Variants in PBX4 observed in about 807,000 individuals in gnomAD.
PBX4 encodes pre-B-cell leukemia transcription factor 4.
PBX4 carries 26 observed loss-of-function variants against 35.1 expected under a neutral mutation model. The ratio of observed to expected loss-of-function variants is 0.74; its 90% CI spans 0.54 to 1.03. The LOEUF (loss-of-function observed/expected upper bound fraction) is 1.03, where lower values mean the gene tolerates loss of function less well. Ranked by LOEUF, PBX4 falls within the 50% of genes least tolerant of loss-of-function variation. The pLI, the probability that PBX4 is intolerant of heterozygous loss-of-function variation, is 0.00. For synonymous variants in PBX4, 199 were observed against 204.2 expected (o/e 0.97, Z 0.22); for missense variants, 448 against 504.3 (o/e 0.89, Z 1.07).
At chr19:19,577,860 A>C (rs968442856) in intron 2 of PBX4, among the ~76,000 whole-genome samples, 2 of 150,714 alleles carry the variant, frequency 1.3e-5, no homozygotes, top group Non-Finnish European at 3.0e-5. Context: ...TCCATCTAAA[A>C]AAATAATAAT....
At chr19:19,601,351 A>T (rs1420385541) in intron 1 of PBX4, among the ~76,000 whole-genome samples, 12 of 152,152 alleles carry the variant, frequency 7.9e-5, no homozygotes, top group Admixed American at 7.9e-4. Context: ...GTTAGGGGTG[A>T]GGGAGAGAGC....
chr19:19,570,934 T>A, intron 2 of PBX4, 101 bp from the exon 3 acceptor site: 4 of 1,477,792 alleles, frequency 2.7e-6, no homozygotes, highest in Non-Finnish European at 3.7e-6. Context: ...GATTTTTGCA[T>A]AGAACCCTTC....
At chr19:19,571,089 G>A (rs1455980088) in intron 2 of PBX4, among the ~76,000 whole-genome samples, 2 of 152,244 alleles carry the variant, frequency 1.3e-5, no homozygotes, top group Admixed American at 1.3e-4. Context: ...TAGCCTGTGA[G>A]GGCAAACCTT....
At chr19:19,568,509 GCTCACACTCCATCTGTATCCCTCAGGGAA>G (rs1207607623) in intron 5 of PBX4, among the ~76,000 whole-genome samples, 1 of 138,740 alleles carries the variant, frequency 7.2e-6, no homozygotes, top group African/African-American at 2.8e-5. Flanking sequence ...CCCTCAAGGA[GCTCACACTCCATCTGTATCCCTCAGGGAA>G]CTCACACTCC....
Position 19,570,309 on chromosome 19 carries a change from G to A in PBX4, c.442-10C>T, listed in dbSNP as rs2061373698. On this transcript the variant is annotated splice_polypyrimidine_tract_variant and intron_variant, in intron 3 of 7. Transcript: ENST00000251203. ...TGAACTCACGACAGGCCTGGGGTGG[G>A]AGCACAGACACGCCGGCCTGTGACT... 4 of 1,590,444 alleles carry A rather than the reference G, an allele frequency of 2.5e-6. No individual in the cohort carries two copies. In the East Asian group the frequency reaches 6.7e-5, roughly 27 times the overall value.
At position 19,563,733 on chromosome 19, in the gene PBX4, G is replaced by T; in HGVS notation, c.926-118C>A. ...GGCTCCTGCCCCTCCTCAGCATCCG[G>T]CCTCTGCTCCTCAGCCCCCACCCAG... On this transcript the variant is annotated intron_variant, in intron 6 of 7. Transcript: ENST00000251203. The surrounding 1 kb of genome is among the most constrained non-coding windows in gnomAD (Gnocchi z 5.1). The T allele has an allele frequency of 1.2e-6, 1 of 849,058 alleles. No homozygotes were observed. Among genetic ancestry groups the T allele is most frequent in the Non-Finnish European group, 1.9e-6 (1 of 514,204 alleles). The allele number at this position is 849,058 out of a possible 1,614,324, so 52.6% of individuals were successfully genotyped here.
chr19:19,599,263 G>A (rs766687754), intron 2 of PBX4, 29 bp downstream of exon 2: 26 of 1,587,058 alleles, frequency 1.6e-5, no homozygotes, highest in South Asian at 1.3e-4. Context: ...CACCACGCTC[G>A]GCCAGAAAGT....
intron 2 of PBX4, chr19:19,588,227 G>T: frequency 2.2e-6 from 3 of 1,368,970 alleles, no homozygotes; most frequent in Non-Finnish European, 3.1e-6. Context: ...AGAGACCCCA[G>T]GGCCTCCACA....
intron 1 of PBX4, among the ~76,000 whole-genome samples, chr19:19,612,209 G>A (rs900628893): frequency 2.0e-5 from 3 of 152,118 alleles, no homozygotes; most frequent in Admixed American, 6.6e-5. Flanking sequence ...CCCATGAGAC[G>A]AGGGTTGCAG....
chr19:19,574,972 A>C (rs1374129175), intron 2 of PBX4, among the ~76,000 whole-genome samples: 1 of 152,074 alleles, frequency 6.6e-6, no homozygotes, highest in Non-Finnish European at 1.5e-5. Context: ...GGCGTGAGCC[A>C]CCACGCCCAG....
intron 5 of PBX4, among the ~76,000 whole-genome samples, chr19:19,568,797 G>A (rs1348107879): frequency 6.6e-6 from 1 of 152,004 alleles, no homozygotes; most frequent in Non-Finnish European, 1.5e-5. Context: ...ATCCCTCAGG[G>A]AGTTCACACT....
At chr19:19,586,819 T>C (rs1292533824) in intron 2 of PBX4, among the ~76,000 whole-genome samples, 1 of 151,528 alleles carries the variant, frequency 6.6e-6, no homozygotes, top group African/African-American at 2.4e-5. Flanking sequence ...TAGTCCCAGC[T>C]ACTCAGGAGG....
intron 2 of PBX4, among the ~76,000 whole-genome samples, chr19:19,577,534 A>C (rs1361132640): frequency 6.6e-6 from 1 of 152,130 alleles, no homozygotes; most frequent in African/African-American, 2.4e-5. Flanking sequence ...GGGTGCCATT[A>C]TGAGGCAATC....
intron 1 of PBX4, among the ~76,000 whole-genome samples, chr19:19,612,539 C>T: frequency 6.6e-6 from 1 of 152,072 alleles, no homozygotes; most frequent in East Asian, 1.9e-4. Flanking sequence ...GCTTCCCAGC[C>T]CAGGTTGGTA....
At chr19:19,564,247 G>GT (rs2061327156) in intron 6 of PBX4, among the ~76,000 whole-genome samples, 5 of 148,112 alleles carry the variant, frequency 3.4e-5, no homozygotes, top group Admixed American at 6.8e-5. Flanking sequence ...GCGGTGTTTG[G>GT]TTTTTTGTTC....
intron 1 of PBX4, among the ~76,000 whole-genome samples, chr19:19,607,926 G>T (rs532601704): frequency 6.6e-6 from 1 of 152,136 alleles, no homozygotes; most frequent in African/African-American, 2.4e-5. Flanking sequence ...AGGATAGATC[G>T]ATTATCCTTG....
At position 19,569,508 on chromosome 19, in the gene PBX4, A is replaced by G; in HGVS notation, c.709T>C (p.Tyr237His). The stretch of plus-strand genomic sequence containing the variant: ...TCTTCTTTGGCTTCTTCGCTGGGGT[A>G]AGGGTTGTTCAGATGGGAGTAAAAA... ...EYFYSHLNNP[Y>H]PSEEAKEELA... The change falls in exon 5 of 8, where the codon TAC (tyrosine) becomes CAC (histidine). Residue 237 changes from tyrosine to histidine, a missense_variant. Tyr to His is a moderately conservative substitution (Grantham distance 83). Transcript: ENST00000251203. 6.2e-7 allele frequency: 1 copy of G among 1,613,886 alleles called. No homozygotes were observed. The highest frequency in any genetic ancestry group is 8.5e-7 in the Non-Finnish European group (1 of 1,179,884).
intron 2 of PBX4, among the ~76,000 whole-genome samples, chr19:19,596,747 T>C (rs1186656409): frequency 6.7e-6 from 1 of 148,332 alleles, no homozygotes; most frequent in East Asian, 2.0e-4. Context: ...GACAAAACCC[T>C]CTCTCTACAA....
intron 1 of PBX4, among the ~76,000 whole-genome samples, chr19:19,608,841 T>A (rs1404213553): frequency 6.6e-6 from 1 of 152,142 alleles, no homozygotes; most frequent in Non-Finnish European, 1.5e-5. Context: ...CAAGCTCTAG[T>A]CTTGCTGAAG....
Sources: gnomAD v4.1 joint callset for allele counts (sites outside exome capture counted in the v4.1 genomes callset) on GRCh38, gnomAD v4.1.1 for gene constraint, Gnocchi (gnomAD v3.1) non-coding constraint, MANE v1.5 for transcripts, NCBI Gene and HGNC (gene_info 2026-07-23, HGNC 2026-07-21) for gene names.